The following PHIP variants were observed in gnomAD, a reference collection of about 807,000 sequenced individuals.
PHIP encodes the protein PH-interacting protein.
In PHIP, 54 loss-of-function variants were observed where a neutral mutation model predicts 236.8. The observed-to-expected ratio is 0.23, with a 90% CI of 0.18 to 0.29. The LOEUF is 0.29. Ranked by LOEUF, PHIP falls within the 10% of genes least tolerant of loss-of-function variation. The pLI, the probability that PHIP is intolerant of heterozygous loss-of-function variation, is 1.00. For synonymous variants in PHIP, 756 were observed against 718.9 expected (o/e 1.05, Z -0.83); for missense variants, 1,370 against 2,190.8 (o/e 0.63, Z 7.48).
Position 78,968,847 on chromosome 6 carries a change from C to T in PHIP, c.3205+988G>A, listed in dbSNP as rs569198815. 4.0e-3 allele frequency among the ~76,000 whole-genome samples: 598 copies of T among 151,350 alleles called. 2 individuals carry two copies. The highest frequency in any genetic ancestry group is 5.7e-3 in the Non-Finnish European group (390 of 68,010). ...AAACATTCTTCAATGTAATTTTCCA[C>T]AAAGACAAACTTGTTAGATAAGTTA... is the stretch of plus-strand genomic sequence containing the variant. On this transcript the variant is annotated intron_variant, in intron 27 of 39. Transcript: ENST00000275034.
intron 7 of PHIP, among the ~76,000 whole-genome samples, chr6:79,039,311 G>A (rs1293460186): frequency 6.6e-6 from 1 of 152,082 alleles, no homozygotes; most frequent in Admixed American, 6.6e-5. Context: ...ATACACAATT[G>A]CATGTTACAT....
At chr6:79,019,931 A>G (rs11754419) in intron 9 of PHIP, among the ~76,000 whole-genome samples, 69,116 of 151,952 alleles carry the variant, frequency 0.45, 16,322 homozygotes, top group East Asian at 0.69. Flanking sequence ...ATGTGTATGT[A>G]ATGTTCCAAT....
chr6:79,039,368 T>C (rs2127757936), intron 7 of PHIP, among the ~76,000 whole-genome samples: 1 of 152,314 alleles, frequency 6.6e-6, no homozygotes, highest in Admixed American at 6.5e-5. Flanking sequence ...CAATATCCAA[T>C]TCGACTCCTA....
chr6:79,014,293 C>A (rs1770733296), intron 15 of PHIP, among the ~76,000 whole-genome samples: 2 of 151,608 alleles, frequency 1.3e-5, no homozygotes, highest in Non-Finnish European at 1.5e-5. Flanking sequence ...TAATTCTGAC[C>A]ACATGTACTA....
chr6:79,076,958 C>G (rs1163818353), intron 4 of PHIP, among the ~76,000 whole-genome samples: 2 of 152,198 alleles, frequency 1.3e-5, no homozygotes, highest in Non-Finnish European at 2.9e-5. Context: ...GGTACCGCAG[C>G]GGCTGGATAG....
At chr6:79,053,509 T>A (rs1412213366) in intron 6 of PHIP, among the ~76,000 whole-genome samples, 5 of 152,188 alleles carry the variant, frequency 3.3e-5, no homozygotes. Flanking sequence ...TTTAAAAGAC[T>A]TTTGTTGGAG....
intron 10 of PHIP, among the ~76,000 whole-genome samples, chr6:79,018,265 T>G (rs1241444350): frequency 6.6e-6 from 1 of 151,948 alleles, no homozygotes; most frequent in Non-Finnish European, 1.5e-5. Context: ...GATGCCTATA[T>G]TTGTATGACT....
chr6:79,015,021 T>C, intron 15 of PHIP, 61 bp downstream of exon 15: 2 of 1,378,834 alleles, frequency 1.5e-6, no homozygotes, highest in South Asian at 1.2e-5. Flanking sequence ...ACATGCAGAG[T>C]ACCTTTGTCA....
intron 9 of PHIP, among the ~76,000 whole-genome samples, chr6:79,020,311 T>A (rs1771055480): frequency 6.6e-6 from 1 of 152,188 alleles, no homozygotes; most frequent in Admixed American, 6.5e-5. Context: ...AAAAAATAAG[T>A]TTGTAAATAG....
intron 3 of PHIP, 25 bp from the exon 4 acceptor site, chr6:79,077,532 G>GCCCGGCC: frequency 2.0e-6 from 3 of 1,472,686 alleles, no homozygotes; most frequent in Admixed American, 2.1e-5. Context: ...CACCCCGTGA[G>GCCCGGCC]CCCGGCCCCC....
chr6:79,003,264 A>C (rs1025437189), intron 16 of PHIP, among the ~76,000 whole-genome samples: 3 of 152,106 alleles, frequency 2.0e-5, no homozygotes, highest in African/African-American at 4.8e-5. Context: ...AAAGCCCCCC[A>C]AAAACTGGAC....
chr6:78,965,641 T>A (rs937873187), intron 29 of PHIP, 62 bp downstream of exon 29: 2 of 935,004 alleles, frequency 2.1e-6, no homozygotes, highest in Non-Finnish European at 3.4e-6. Context: ...TAGCAAATCT[T>A]AAATAATTTC....
At chr6:78,973,888 G>A (rs1250005820) in intron 24 of PHIP, among the ~76,000 whole-genome samples, 1 of 151,562 alleles carries the variant, frequency 6.6e-6, no homozygotes. Context: ...AGTCTTGAGT[G>A]ACCTACAAAG....
chr6:78,996,623 C>G (rs1769634589), intron 19 of PHIP, among the ~76,000 whole-genome samples: 1 of 152,088 alleles, frequency 6.6e-6, no homozygotes, highest in East Asian at 1.9e-4. Flanking sequence ...AAATGTATAC[C>G]TTTGGTGTGT....
Position 79,015,129 on chromosome 6 carries a change from C to T in PHIP, c.1477G>A (p.Val493Met). 6.2e-7 allele frequency: 1 copy of T among 1,611,772 alleles called. No individual in the cohort carries two copies. The highest frequency in any genetic ancestry group is 8.5e-7 in the Non-Finnish European group (1 of 1,178,176). ...FSAGHDGNVIVWDLARGVKIR... is the reference protein window; with the variant it reads ...FSAGHDGNVIMWDLARGVKIR... ...TTGACTCCTCTTGCCAGATCCCACA[C>T]TATCACGTTTCCATCATGACCAGCA... Residue 493 changes from valine to methionine, a missense_variant, in exon 15 of 40, where the codon GTG becomes ATG. By Grantham distance (21) the Val-to-Met change is conservative (BLOSUM62 1). Transcript: ENST00000275034.
At chr6:79,033,894 T>C (rs1470835461) in intron 7 of PHIP, among the ~76,000 whole-genome samples, 3 of 152,088 alleles carry the variant, frequency 2.0e-5, no homozygotes, top group African/African-American at 7.2e-5. Flanking sequence ...TAAGAGGCCA[T>C]TGTAGGGTTA....
chr6:79,077,888 G>A lies in PHIP; in HGVS notation c.66C>T (p.Phe22=), dbSNP rs1420150080. The change falls in exon 2 of 40, where the codon TTC becomes TTT. Residue 22 remains phenylalanine, a synonymous_variant. Transcript: ENST00000275034. The part of the protein sequence containing the change: ...RSELYFLIAR[F]LEDGPCQQAA... ...CCTGCTGACAGGGTCCATCTTCCAG[G>A]AACCGGGCGATGAGGAAGTAGAGCT... 3.1e-6 allele frequency: 5 copies of A among 1,588,966 alleles called. No homozygotes were observed. The Admixed American group carries it at 5.2e-5, about 17-fold the overall frequency.
At chr6:79,025,818 C>T (rs1771374860) in intron 8 of PHIP, 125 bp downstream of exon 8, 2 of 762,266 alleles carry the variant, frequency 2.6e-6, no homozygotes, top group African/African-American at 1.8e-5. Context: ...GCCTTATATA[C>T]TGGATTATAA....
rs867677031 is a variant in PHIP at position 79,062,664 on chromosome 6, T to G, written c.190-1846A>C. Among the ~76,000 whole-genome samples the G allele has an allele frequency of 2.0e-5, 3 of 152,342 alleles. No homozygotes were observed. In the Middle Eastern group the frequency reaches 0.01, roughly 518 times the overall value. On this transcript the variant is annotated intron_variant, in intron 4 of 39. Transcript: ENST00000275034. ...AATATTCTATCTTTCAATAAAATAT[T>G]ATGAATCCACTCTGACTCAAGCTTT...
Sources: allele counts gnomAD v4.1 joint callset (sites outside exome capture counted in the v4.1 genomes callset), GRCh38; gene constraint gnomAD v4.1.1; transcripts MANE v1.5; gene names NCBI Gene and HGNC (gene_info 2026-07-23, HGNC 2026-07-21).